Variants in TMEM51 observed in about 807,000 individuals in gnomAD.
TMEM51 encodes the protein chromosome 1 open reading frame 72.
Under a neutral mutation model 13.6 loss-of-function variants are expected in TMEM51, and 8 were observed. That is an observed-to-expected ratio of 0.59 (90% CI 0.35 to 1.07). TMEM51 has a LOEUF of 1.07. Ranked by LOEUF, TMEM51 falls within the 50% of genes least tolerant of loss-of-function variation. The pLI, the probability that TMEM51 is intolerant of heterozygous loss-of-function variation, is 0.02. For missense variants in TMEM51, 279 were observed against 330.7 expected (o/e 0.84, Z 1.21); for synonymous variants, 147 against 144.4 (o/e 1.02, Z -0.13).
chr1:15,164,807 CTTT>C (rs67258662), intron 1 of TMEM51, among the ~76,000 whole-genome samples: 13 of 116,304 alleles, frequency 1.1e-4, no homozygotes, highest in African/African-American at 1.4e-4. Flanking sequence ...TTTTTTTTTC[CTTT>C]TTTTTTTTTT....
intron 1 of TMEM51, among the ~76,000 whole-genome samples, chr1:15,157,878 A>G (rs1005444217): frequency 1.3e-5 from 2 of 152,188 alleles, no homozygotes; most frequent in Non-Finnish European, 2.9e-5. Context: ...GACATCGTGA[A>G]GGCTGGCGAC....
intron 3 of TMEM51, among the ~76,000 whole-genome samples, chr1:15,217,925 A>T (rs1416120271): frequency 6.6e-6 from 1 of 152,230 alleles, no homozygotes; most frequent in Non-Finnish European, 1.5e-5. Flanking sequence ...ACACATGCTT[A>T]TTCTAGAAAA....
At chr1:15,167,596 T>C (rs1009496980) in intron 1 of TMEM51, among the ~76,000 whole-genome samples, 1 of 152,210 alleles carries the variant, frequency 6.6e-6, no homozygotes, top group South Asian at 2.1e-4. Flanking sequence ...TGTTTATCTT[T>C]ATATGAAATG....
chr1:15,219,323 C>A lies in TMEM51; in HGVS notation c.345-3C>A. 6.4e-7 allele frequency: 1 copy of A among 1,568,640 alleles called. No individual in the cohort carries two copies. Among genetic ancestry groups the A allele is most frequent in the Non-Finnish European group, 8.7e-7 (1 of 1,156,042 alleles). On this transcript the variant is annotated splice_region_variant and splice_polypyrimidine_tract_variant and intron_variant, in intron 3 of 3. Coordinates refer to ENST00000376008, the MANE Select transcript of TMEM51 (RefSeq NM_001136218.2). ...CTCTCCCTGTCTGTGTGTCTTCTTG[C>A]AGCCAGGAGGAAGAAGAGGAGGATG...
At chr1:15,168,617 G>A in intron 1 of TMEM51, 1 of 1,304,496 alleles carries the variant, frequency 7.7e-7, no homozygotes, top group Non-Finnish European at 1.0e-6. Flanking sequence ...AGGCCATAGA[G>A]TTCTTCAACC....
chr1:15,162,451 C>T lies in TMEM51; in HGVS notation c.-267+8497C>T, dbSNP rs576822576. Among the ~76,000 whole-genome samples, 18 of 152,120 alleles carry T rather than the reference C, an allele frequency of 1.2e-4. No homozygotes were observed. The South Asian group carries it at 2.1e-3, about 18-fold the overall frequency. ...TTGCTGGGATTACAGGCATGGCCAC[C>T]GCATCCAGCCTGGGGATCAAATTTC... On this transcript the variant is annotated intron_variant, in intron 1 of 3. Coordinates refer to ENST00000376008, the MANE Select transcript of TMEM51 (RefSeq NM_001136218.2).
At chr1:15,185,904 C>T (rs75584077) in intron 1 of TMEM51, among the ~76,000 whole-genome samples, 2,140 of 152,324 alleles carry the variant, frequency 0.014, 60 homozygotes, top group African/African-American at 0.049. Context: ...TCCTTTTAAA[C>T]GTCCACAGAG....
chr1:15,191,651 A>AT (rs753845562), intron 1 of TMEM51, among the ~76,000 whole-genome samples: 19 of 152,052 alleles, frequency 1.2e-4, no homozygotes, highest in Non-Finnish European at 2.4e-4. Context: ...GATGACTGCT[A>AT]TTTTCTCTTC....
At chr1:15,154,895 C>T (rs1489306440) in intron 1 of TMEM51, among the ~76,000 whole-genome samples, 1 of 133,064 alleles carries the variant, frequency 7.5e-6, no homozygotes, top group Non-Finnish European at 1.6e-5. Flanking sequence ...GTGGGGTGGG[C>T]GGGGACGAGG....
rs566561726 is a variant in TMEM51, at chr1:15,219,722, C to T, written c.741C>T (p.Pro247=). 2.1e-5 allele frequency: 34 copies of T among 1,613,182 alleles called. No individual in the cohort carries two copies. The highest frequency in any genetic ancestry group is 9.9e-5 in the South Asian group (9 of 91,062). ...ATGATGAAGTCCAGGAGAAGGCCCC[C>T]GACACCCGGCCGCCCGACTGAATGG... is the stretch of plus-strand genomic sequence containing the variant. The part of the protein sequence containing the change: ...PQYDEVQEKA[P]DTRPPD The change falls in exon 4 of 4, where the codon CCC becomes CCT. Residue 247 remains proline (P), a synonymous_variant. Coordinates refer to ENST00000376008, the MANE Select transcript of TMEM51 (RefSeq NM_001136218.2).
rs547308501 is a variant in TMEM51 at position 15,170,590 on chromosome 1, G to T, written c.-267+16636G>T. On this transcript the variant is annotated intron_variant, in intron 1 of 3. Coordinates refer to ENST00000376008, the MANE Select transcript of TMEM51 (RefSeq NM_001136218.2). ...CTCCCAAAGTGCTGGGATTATAGGC[G>T]TGAGTCACCACCACACCTGGCCTAT... Among the ~76,000 whole-genome samples the T allele has an allele frequency of 1.6e-3, 239 of 152,128 alleles. 1 individual carries two copies. In the Middle Eastern group the frequency reaches 0.017, roughly 11 times the overall value.
intron 1 of TMEM51, chr1:15,171,115 A>ACCTCCCCCCCCCCC: frequency 2.3e-6 from 1 of 428,152 alleles, no homozygotes; most frequent in South Asian, 2.8e-5. Context: ...ACCCCCCGCC[A>ACCTCCCCCCCCCCC]CATCCCCCAC....
intron 1 of TMEM51, among the ~76,000 whole-genome samples, chr1:15,182,185 TAAA>T (rs1485290732): frequency 6.8e-6 from 1 of 146,738 alleles, no homozygotes; most frequent in Non-Finnish European, 1.5e-5. Flanking sequence ...AATAAATAAA[TAAA>T]TAAATAAATA....
chr1:15,211,058 T>C (rs980086688), intron 2 of TMEM51, among the ~76,000 whole-genome samples: 1 of 152,262 alleles, frequency 6.6e-6, no homozygotes, highest in African/African-American at 2.4e-5. Flanking sequence ...TAGATATTTC[T>C]GTTTTCTAAT....
intron 2 of TMEM51, among the ~76,000 whole-genome samples, chr1:15,212,383 C>T (rs938000880): frequency 6.6e-6 from 1 of 152,218 alleles, no homozygotes; most frequent in African/African-American, 2.4e-5. Flanking sequence ...GTCTTTCTCT[C>T]GTGCAGCATA....
intron 1 of TMEM51, among the ~76,000 whole-genome samples, chr1:15,169,808 A>C (rs895881309): frequency 2.0e-5 from 3 of 152,196 alleles, no homozygotes; most frequent in African/African-American, 7.2e-5. Context: ...GAAGCTGTCC[A>C]TTTTTTATTT....
Position 15,214,611 on chromosome 1 carries a change from T to C in TMEM51, c.-193-284T>C, listed in dbSNP as rs141032093. Among the ~76,000 whole-genome samples, 40 of 152,342 alleles carry C rather than the reference T, an allele frequency of 2.6e-4. No individual in the cohort carries two copies. The East Asian group carries it at 7.7e-3, about 29-fold the overall frequency. On this transcript the variant is annotated intron_variant, in intron 2 of 3. Transcript: ENST00000376008. ...CTGCACTTCATTAAATTCCACACAA[T>C]GTTTTAATGACCTGAGCTCCGACCT...
At chr1:15,153,643 G>A (rs1427246409), upstream of TMEM51, 2 of 152,094 alleles carry the variant, frequency 1.3e-5, no homozygotes, top group East Asian at 1.9e-4. Context: ...GGGCCGGGAG[G>A]GAGGGTCGGC....
intron 1 of TMEM51, among the ~76,000 whole-genome samples, chr1:15,203,950 G>A (rs1366072575): frequency 3.3e-5 from 5 of 152,088 alleles, no homozygotes; most frequent in Non-Finnish European, 2.9e-5. Flanking sequence ...CCAGTCCCAC[G>A]GCATAACAGG....
Sources: allele counts gnomAD v4.1 joint callset (sites outside exome capture counted in the v4.1 genomes callset), GRCh38; gene constraint gnomAD v4.1.1; transcripts MANE v1.5; gene names NCBI Gene and HGNC (gene_info 2026-07-23, HGNC 2026-07-21).